The following SYT16 variants were observed in gnomAD, a reference collection of about 807,000 sequenced individuals.
The protein encoded by SYT16 is synaptotagmin-16.
In SYT16, 42 loss-of-function variants were observed where a neutral mutation model predicts 61.4. That is an observed-to-expected ratio of 0.68 (90% confidence interval 0.53 to 0.89). The LOEUF (loss-of-function observed/expected upper bound fraction) is 0.89. Ranked by LOEUF, SYT16 falls within the 40% of genes least tolerant of loss-of-function variation. SYT16 has a pLI of 0.00. For synonymous variants in SYT16, 314 were observed against 302.3 expected (o/e 1.04, Z -0.40); for missense variants, 804 against 807.3 (o/e 1.00, Z 0.05).
At chr14:61,990,600 A>G (rs549465999) in intron 2 of SYT16, among the ~76,000 whole-genome samples, 1 of 152,254 alleles carries the variant, frequency 6.6e-6, no homozygotes, top group South Asian at 2.1e-4. Flanking sequence ...TTAGTTGATA[A>G]TCCTTTGAAA....
rs1329442902 is a variant in SYT16 at position 62,101,673 on chromosome 14, A to G, written c.*966A>G. ...CACTAGAGCATAGTAAATTGTACAC[A>G]GTGAGTCCTTAATAAATATTGATTT... is the stretch of plus-strand genomic sequence containing the variant. On this transcript the variant is annotated 3_prime_UTR_variant, in exon 8 of 8. Transcript: ENST00000683842. The G allele has an allele frequency of 6.6e-6, 1 of 152,238 alleles. No individual in the cohort carries two copies. The highest frequency in any genetic ancestry group is 1.5e-5 in the Non-Finnish European group (1 of 68,034). 9.4% of individuals were successfully genotyped at this position (152,238 alleles called of 1,614,324 possible).
At chr14:61,924,001 A>G (rs2049439119) in intron 1 of SYT16, among the ~76,000 whole-genome samples, 1 of 152,250 alleles carries the variant, frequency 6.6e-6, no homozygotes, top group Non-Finnish European at 1.5e-5. Context: ...CGAAGTTAAT[A>G]CAAAGTGCTA....
chr14:62,032,800 A>G (rs1464766430), intron 3 of SYT16, among the ~76,000 whole-genome samples: 2 of 151,956 alleles, frequency 1.3e-5, no homozygotes, highest in East Asian at 1.9e-4. Context: ...TTTCAGGACT[A>G]AAATATTTTG....
chr14:61,843,337 A>G (rs895239825), intron 1 of SYT16, among the ~76,000 whole-genome samples: 30 of 152,184 alleles, frequency 2.0e-4, no homozygotes, highest in African/African-American at 7.0e-4. Flanking sequence ...ATGATGTTGA[A>G]CACCTTTCCA....
At chr14:61,875,632 T>C (rs1002888086) in intron 1 of SYT16, among the ~76,000 whole-genome samples, 4 of 152,238 alleles carry the variant, frequency 2.6e-5, no homozygotes, top group Non-Finnish European at 5.9e-5. Context: ...ATTGTAGCTA[T>C]GAAGCCAGGG....
intron 1 of SYT16, among the ~76,000 whole-genome samples, chr14:61,881,850 C>T (rs2047712237): frequency 6.6e-6 from 1 of 152,136 alleles, no homozygotes; most frequent in African/African-American, 2.4e-5. Context: ...CACTAGTATT[C>T]CCCTTTTGAG....
intron 3 of SYT16, among the ~76,000 whole-genome samples, chr14:62,015,426 C>T (rs1489077192): frequency 7.4e-5 from 10 of 134,494 alleles, no homozygotes; most frequent in Admixed American, 7.0e-4. Flanking sequence ...AGAATGCAGC[C>T]GAAGTTCTTA....
At chr14:61,983,290 C>T (rs1157484152) in intron 2 of SYT16, among the ~76,000 whole-genome samples, 1 of 152,140 alleles carries the variant, frequency 6.6e-6, no homozygotes, top group African/African-American at 2.4e-5. Context: ...ATATGTGTTC[C>T]TCTAAAGCCT....
chr14:61,879,842 C>T lies in SYT16; in HGVS notation c.-325+67032C>T, dbSNP rs112864714. On this transcript the variant is annotated intron_variant, in intron 1 of 7. Transcript: ENST00000683842. ...ATCTAACATTAGCCCTTGACACTGC[C>T]TGGCAATCCTGCCATCTATCCTTTG... Among the ~76,000 whole-genome samples the T allele has an allele frequency of 1.6e-3, 242 of 152,344 alleles. 4 individuals are homozygous for T. The highest frequency in any genetic ancestry group is 5.5e-3 in the African/African-American group (229 of 41,570).
intron 1 of SYT16, chr14:61,865,303 C>G: frequency 1.4e-6 from 1 of 739,796 alleles, no homozygotes; most frequent in Non-Finnish European, 2.4e-6. Flanking sequence ...TCCCTCTGAA[C>G]GCAGGGATGC....
intron 2 of SYT16, among the ~76,000 whole-genome samples, chr14:61,980,886 T>C (rs2052040473): frequency 1.3e-5 from 2 of 152,198 alleles, no homozygotes; most frequent in Admixed American, 1.3e-4. Context: ...GAAAATTCTG[T>C]AATGGCTATA....
chr14:61,907,151 C>G (rs2048755570), intron 1 of SYT16, among the ~76,000 whole-genome samples: 1 of 152,134 alleles, frequency 6.6e-6, no homozygotes, highest in Non-Finnish European at 1.5e-5. Context: ...CCTTCAATAG[C>G]TGCTTGGTTC....
intron 1 of SYT16, among the ~76,000 whole-genome samples, chr14:61,868,616 T>C (rs993387925): frequency 1.3e-5 from 2 of 152,024 alleles, no homozygotes; most frequent in Non-Finnish European, 2.9e-5. Context: ...GGGAACTGTC[T>C]AGAAACCTTT....
intron 1 of SYT16, among the ~76,000 whole-genome samples, chr14:61,854,421 TAC>T (rs752188147): frequency 1.3e-5 from 2 of 152,260 alleles, no homozygotes; most frequent in East Asian, 1.9e-4. Context: ...TTAATCATAC[TAC>T]ACACACACGC....
chr14:62,009,427 G>T (rs904070734), intron 3 of SYT16, among the ~76,000 whole-genome samples: 1 of 152,152 alleles, frequency 6.6e-6, no homozygotes, highest in Non-Finnish European at 1.5e-5. Context: ...ATACAGTCAG[G>T]AGTTAATCAT....
At chr14:61,971,863 A>C (rs932079974) in intron 2 of SYT16, among the ~76,000 whole-genome samples, 10 of 152,202 alleles carry the variant, frequency 6.6e-5, no homozygotes, top group Non-Finnish European at 1.3e-4. Flanking sequence ...TGCCATGCAA[A>C]AGCTGGGACT....
At chr14:62,093,980 G>C (rs772463963) in intron 7 of SYT16, among the ~76,000 whole-genome samples, 3 of 152,094 alleles carry the variant, frequency 2.0e-5, no homozygotes, top group Non-Finnish European at 4.4e-5. Flanking sequence ...CCCGTTTACT[G>C]AGGTGATGAT....
chr14:62,111,071 T>C lies in SYT16; in HGVS notation c.*10364T>C, dbSNP rs1016373283. ...AGCAATATTTTATTTGTGTTCACAG[T>C]GCAAGATAAATCTGACTTTCTCAAT... is the stretch of plus-strand genomic sequence containing the variant. On this transcript the variant is annotated 3_prime_UTR_variant, in exon 8 of 8. Transcript: ENST00000683842. The C allele has an allele frequency of 5.3e-5, 8 of 152,134 alleles. No individual in the cohort carries two copies. Among genetic ancestry groups the C allele is most frequent in the Non-Finnish European group, 8.8e-5 (6 of 67,954 alleles). 9.4% of individuals were successfully genotyped at this position (152,134 alleles called of 1,614,324 possible).
At chr14:61,973,340 A>G (rs1296032306) in intron 2 of SYT16, among the ~76,000 whole-genome samples, 1 of 152,202 alleles carries the variant, frequency 6.6e-6, no homozygotes, top group African/African-American at 2.4e-5. Flanking sequence ...TAATAATAAT[A>G]ATACAGATAA....
Sources: allele counts gnomAD v4.1 joint callset (sites outside exome capture counted in the v4.1 genomes callset), GRCh38; gene constraint gnomAD v4.1.1; transcripts MANE v1.5; gene names NCBI Gene and HGNC (gene_info 2026-07-23, HGNC 2026-07-21).